Variants in DCAF1 observed in about 807,000 individuals in gnomAD.
The protein encoded by DCAF1 is DDB1 and CUL4 associated factor 1, also known as DDB1- and CUL4-associated factor 1.
Under a neutral mutation model 128.0 loss-of-function variants are expected in DCAF1, and 15 were observed. That is an observed-to-expected ratio of 0.12 (90% CI 0.08 to 0.18). The LOEUF (loss-of-function observed/expected upper bound fraction) is 0.18. Among genes scored for constraint, DCAF1 ranks in the 10% least tolerant of loss-of-function variants. DCAF1 has a pLI of 1.00. For missense variants in DCAF1, 988 were observed against 1,649.5 expected, an observed-to-expected ratio of 0.60 and a Z score of 6.95; for synonymous variants, 610 against 603.0, an observed-to-expected ratio of 1.01 and a Z score of -0.17.
Position 51,471,215 on chromosome 3 carries a change from G to A in DCAF1, c.111-210C>T, listed in dbSNP as rs556392652. Among the ~76,000 whole-genome samples the A allele has an allele frequency of 1.3e-4, 18 of 137,312 alleles. 1 individual carries two copies. The highest frequency in any genetic ancestry group is 6.7e-4 in the South Asian group (3 of 4,458). The allele number at this position is 137,312 out of a possible 152,430, so 90.1% of individuals were successfully genotyped here. A position where few individuals can be genotyped will look rare whatever the true frequency, so the allele number is the denominator to read the frequency against. On this transcript the variant is annotated intron_variant, in intron 3 of 24. Coordinates refer to ENST00000684031, the MANE Select transcript of DCAF1 (RefSeq NM_001387579.1). ...TTTTTTTTTTTTTTTTGACAGTCTC[G>A]CTCTGTCGCCCAGGCTGGAGTGCAG...
chr3:51,462,091 A>G (rs1320443237), intron 6 of DCAF1, among the ~76,000 whole-genome samples: 2 of 151,650 alleles, frequency 1.3e-5, no homozygotes, highest in Admixed American at 6.6e-5. Context: ...AAAAGAAAAG[A>G]AAAAAAACCA....
chr3:51,413,175 TTC>T (rs1173632841), intron 21 of DCAF1, 105 bp downstream of exon 21: 23 of 1,547,304 alleles, frequency 1.5e-5, no homozygotes, highest in Middle Eastern at 1.7e-4. Flanking sequence ...TTTCCATAAC[TTC>T]TCTGTTTTTC....
At chr3:51,452,861 A>T (rs1702494876) in intron 6 of DCAF1, among the ~76,000 whole-genome samples, 1 of 152,058 alleles carries the variant, frequency 6.6e-6, no homozygotes, top group African/African-American at 2.4e-5. Context: ...AAAATATTTT[A>T]AAAATTAGCC....
At chr3:51,470,390 A>G (rs1704601903) in intron 4 of DCAF1, among the ~76,000 whole-genome samples, 1 of 152,234 alleles carries the variant, frequency 6.6e-6, no homozygotes, top group South Asian at 2.1e-4. Flanking sequence ...GCAAGACCCC[A>G]TCTCTACAAA....
chr3:51,478,203 C>A (rs1553651414), intron 3 of DCAF1, among the ~76,000 whole-genome samples: 1 of 152,078 alleles, frequency 6.6e-6, no homozygotes, highest in Non-Finnish European at 1.5e-5. Flanking sequence ...AACAGTCTCA[C>A]CATGTTGCCC....
chr3:51,415,637 G>A (rs998752317), intron 18 of DCAF1, among the ~76,000 whole-genome samples: 1 of 152,014 alleles, frequency 6.6e-6, no homozygotes, highest in Non-Finnish European at 1.5e-5. Flanking sequence ...ACTCAGGCTG[G>A]AGTACAGTGA....
chr3:51,442,012 T>C, intron 7 of DCAF1, 115 bp from the exon 8 acceptor site: 1 of 1,359,238 alleles, frequency 7.4e-7, no homozygotes, highest in Non-Finnish European at 9.9e-7. Flanking sequence ...GCCCAACGCC[T>C]GTAATAGCAA....
intron 23 of DCAF1, among the ~76,000 whole-genome samples, chr3:51,406,117 G>A: frequency 6.6e-6 from 1 of 151,990 alleles, no homozygotes; most frequent in East Asian, 1.9e-4. Flanking sequence ...GCTGAGGCGG[G>A]CAGATCACGA....
intron 10 of DCAF1, among the ~76,000 whole-genome samples, chr3:51,432,710 C>A (rs1362429659): frequency 6.6e-6 from 1 of 152,106 alleles, no homozygotes; most frequent in Admixed American, 6.5e-5. Context: ...CCACCCACCT[C>A]GACCTCCCAA....
chr3:51,495,747 C>T (rs2108580496), intron 2 of DCAF1, among the ~76,000 whole-genome samples: 1 of 152,034 alleles, frequency 6.6e-6, no homozygotes, highest in South Asian at 2.1e-4. Flanking sequence ...ATTTAAAAAT[C>T]AGTAGTAGTA....
At chr3:51,421,243 T>C (rs573832419) in intron 14 of DCAF1, among the ~76,000 whole-genome samples, 4 of 152,264 alleles carry the variant, frequency 2.6e-5, no homozygotes, top group South Asian at 2.1e-4. Flanking sequence ...TCAAGGTTCA[T>C]GTGCAATTTT....
chr3:51,458,693 AC>A (rs1485912981), intron 6 of DCAF1, among the ~76,000 whole-genome samples: 1 of 152,166 alleles, frequency 6.6e-6, no homozygotes, highest in Non-Finnish European at 1.5e-5. Flanking sequence ...ATGTAAACGA[AC>A]AGAAATTATA....
At chr3:51,426,455 C>G (rs1158777907) in intron 13 of DCAF1, among the ~76,000 whole-genome samples, 1 of 152,142 alleles carries the variant, frequency 6.6e-6, no homozygotes, top group Non-Finnish European at 1.5e-5. Context: ...AGTGATCTGC[C>G]CACCTCGTCC....
At chr3:51,491,055 A>C (rs2082993) in intron 2 of DCAF1, among the ~76,000 whole-genome samples, 10,822 of 151,396 alleles carry the variant, frequency 0.071, 917 homozygotes, top group East Asian at 0.33. Flanking sequence ...AAAAAAAAAA[A>C]AAACAAAGTC....
chr3:51,492,569 T>C (rs1366655884), intron 2 of DCAF1, among the ~76,000 whole-genome samples: 3 of 152,098 alleles, frequency 2.0e-5, no homozygotes, highest in Non-Finnish European at 4.4e-5. Context: ...CATCAGTCAC[T>C]AGGAACTGCA....
downstream of DCAF1, chr3:51,396,162 A>C: frequency 2.6e-6 from 1 of 387,572 alleles, no homozygotes; most frequent in Non-Finnish European, 4.8e-6. Context: ...GCAGGTGCTC[A>C]GGACCCGGAA....
chr3:51,418,628 C>A, intron 16 of DCAF1, 50 bp downstream of exon 16: 1 of 1,560,982 alleles, frequency 6.4e-7, no homozygotes. Context: ...TCTAGTTCAC[C>A]AATTCATCTT....
chr3:51,416,784 T>C lies in DCAF1; in HGVS notation c.3603+3A>G, dbSNP rs374144620. ...TTGAAAACAGTGGTTCTTAAGTACT[T>C]ACGTGGGCAATGTCTCCTTTTGTGC... On this transcript the variant is annotated splice_donor_region_variant and intron_variant, in intron 18 of 24. Coordinates refer to ENST00000684031, the MANE Select transcript of DCAF1 (RefSeq NM_001387579.1). 4.0e-5 allele frequency: 64 copies of C among 1,608,390 alleles called. 1 individual carries two copies. In the African/African-American group the frequency reaches 7.5e-4, roughly 19 times the overall value.
At chr3:51,421,268 T>C (rs1367822036) in intron 14 of DCAF1, among the ~76,000 whole-genome samples, 4 of 152,158 alleles carry the variant, frequency 2.6e-5, no homozygotes, top group Non-Finnish European at 5.9e-5. Flanking sequence ...GGTTTTATTA[T>C]TTTTTTGAGG....
Sources: gnomAD v4.1 joint callset for allele counts (sites outside exome capture counted in the v4.1 genomes callset) on GRCh38, gnomAD v4.1.1 for gene constraint, MANE v1.5 for transcripts, NCBI Gene and HGNC (gene_info 2026-07-23, HGNC 2026-07-21) for gene names.